The following SETX variants were observed in gnomAD, a reference collection of about 807,000 sequenced individuals.
SETX encodes the protein helicase senataxin.
In SETX, 90 loss-of-function variants were observed where a neutral mutation model predicts 227.2. The observed-to-expected ratio is 0.40, with a 90% CI of 0.33 to 0.47. The LOEUF is 0.47. Among genes scored for constraint, SETX ranks in the 20% least tolerant of loss-of-function variants. The pLI is 0.91. For synonymous variants in SETX, 1,210 were observed against 1,113.2 expected (o/e 1.09, Z -1.73); for missense variants, 3,052 against 3,181.5 (o/e 0.96, Z 0.98).
chr9:132,271,806 G>C lies in SETX; in HGVS notation c.7103C>G (p.Pro2368Arg), dbSNP rs1420833435. ...TGCATCCACAGTGTCTACTTCTGCT[G>C]GTCTATTTACAAAAGAGAAACATAT... is the stretch of plus-strand genomic sequence containing the variant. ...DLDKEFDRKG[P>R]AEVDTVDAFQ... The change falls in exon 24 of 26, where the codon CCA (proline) becomes CGA (arginine). Residue 2368 changes from proline to arginine, a missense_variant and splice_region_variant. Physicochemically the swap from Pro to Arg is moderately radical, Grantham distance 103. Around this residue, in one of 10 missense-constraint regions of SETX, gnomAD observed 412 missense variants for 589.0 expected, o/e 0.70. Transcript: ENST00000224140. 4 of 1,611,658 alleles carry C rather than the reference G, an allele frequency of 2.5e-6. No individual in the cohort carries two copies. The highest frequency in any genetic ancestry group is 3.4e-6 in the Non-Finnish European group (4 of 1,178,198).
At chr9:132,330,701 AAATTG>A (rs1342305678) in intron 9 of SETX, among the ~76,000 whole-genome samples, 5 of 152,224 alleles carry the variant, frequency 3.3e-5, no homozygotes, top group Non-Finnish European at 1.5e-5. Context: ...GTGAAAATAT[AAATTG>A]AATTTTGAGT....
chr9:132,265,644 G>A (rs1420963212), intron 25 of SETX, among the ~76,000 whole-genome samples: 1 of 152,120 alleles, frequency 6.6e-6, no homozygotes, highest in Non-Finnish European at 1.5e-5. Context: ...TTCCTAAATT[G>A]CATCAGCCAC....
rs1554822056 is a variant in SETX, at chr9:132,331,053, T to C, written c.1097A>G (p.Lys366Arg). 1 of 1,601,500 alleles carries C rather than the reference T, an allele frequency of 6.2e-7. No homozygotes were observed. Among genetic ancestry groups the C allele is most frequent in the Non-Finnish European group, 8.6e-7 (1 of 1,168,358 alleles). The part of the protein sequence containing the change: ...VYNYNPEKTK[K>R]DSGWRTAICP... The stretch of plus-strand genomic sequence containing the variant: ...CTGAATTTTCAAAGTGTTTTATACC[T>C]TTTTGGTCTTTTCAGGATTATAATT... The change falls in exon 9 of 26, where the codon AAG (lysine) becomes AGG (arginine). Residue 366 changes from lysine (K) to arginine (R), a missense_variant and splice_region_variant. Lys to Arg is a conservative substitution (Grantham distance 26). Around this residue, in one of 10 missense-constraint regions of SETX, gnomAD observed 39 missense variants for 84.8 expected, o/e 0.46. Coordinates refer to ENST00000224140, the MANE Select transcript of SETX (RefSeq NM_015046.7).
At chr9:132,351,815 A>C (rs991932775) in intron 2 of SETX, among the ~76,000 whole-genome samples, 12 of 152,222 alleles carry the variant, frequency 7.9e-5, no homozygotes, top group African/African-American at 2.4e-5. Context: ...GTTTCATCAG[A>C]CTGTAACGGC....
chr9:132,311,940 A>T (rs1263656507), intron 10 of SETX, 84 bp from the exon 11 acceptor site: 2 of 1,044,504 alleles, frequency 1.9e-6, no homozygotes, highest in Non-Finnish European at 1.4e-6. Context: ...GTTAAGCAAC[A>T]GTAAAATCCA....
At chr9:132,302,766 T>C (rs1300859474) in intron 11 of SETX, among the ~76,000 whole-genome samples, 1 of 151,280 alleles carries the variant, frequency 6.6e-6, no homozygotes, top group Admixed American at 6.6e-5. Flanking sequence ...AGAAACTTTT[T>C]ACAAAGAACA....
In SETX at chr9:132,343,922, G is replaced by C. The variant is rs181000236; in HGVS notation, c.389-1123C>G. Among the ~76,000 whole-genome samples, 297 of 152,186 alleles carry C rather than the reference G, an allele frequency of 2.0e-3. 1 individual carries two copies. The highest frequency in any genetic ancestry group is 2.5e-3 in the Non-Finnish European group (171 of 68,006). ...TCCATAAAGTATGTTATCCTACAGG[G>C]CAAATATATGGCCTCCCTCAACAAG... On this transcript the variant is annotated intron_variant, in intron 4 of 25. Transcript: ENST00000224140.
intron 15 of SETX, among the ~76,000 whole-genome samples, chr9:132,293,172 A>G (rs1162940648): frequency 1.3e-5 from 2 of 152,200 alleles, no homozygotes; most frequent in African/African-American, 2.4e-5. Context: ...TTAACAGATT[A>G]AAGAAAATTT....
Position 132,336,379 on chromosome 9 carries a change from G to A in SETX, c.635C>T (p.Thr212Ile), listed in dbSNP as rs771502043. ...LGLLESPDIY[T>I]SSVLEKGKLI... The stretch of plus-strand genomic sequence containing the variant: ...TTTACCCTTCTCTAGGACAGAAGAA[G>A]TATAAATGTCTGGACTCTCTAAAAG... The change falls in exon 6 of 26, where the codon ACT becomes ATT. Residue 212 changes from threonine to isoleucine, a missense_variant. Thr to Ile is a moderately conservative substitution (Grantham distance 89). This residue lies in a region of SETX where 239 missense variants were observed against 240.8 expected (regional missense o/e 0.99). Coordinates refer to ENST00000224140, the MANE Select transcript of SETX (RefSeq NM_015046.7). 5 of 1,614,126 alleles carry A rather than the reference G, an allele frequency of 3.1e-6. No homozygotes were observed. In the East Asian group the frequency reaches 1.1e-4, roughly 36 times the overall value.
intron 7 of SETX, 83 bp downstream of exon 7, chr9:132,334,525 C>G: frequency 6.8e-7 from 1 of 1,465,874 alleles, no homozygotes; most frequent in Non-Finnish European, 9.5e-7. Flanking sequence ...ACAACATACA[C>G]CAATTCCTGC....
chr9:132,308,308 C>T (rs1469094576), intron 11 of SETX, among the ~76,000 whole-genome samples: 1 of 152,098 alleles, frequency 6.6e-6, no homozygotes, highest in Non-Finnish European at 1.5e-5. Flanking sequence ...TCCTCTAGTT[C>T]CAGGTATCAA....
At chr9:132,309,731 A>G (rs985725025) in intron 11 of SETX, among the ~76,000 whole-genome samples, 1 of 152,048 alleles carries the variant, frequency 6.6e-6, no homozygotes, top group African/African-American at 2.4e-5. Context: ...CTAGGGCAAT[A>G]CAAAATCAAT....
At position 132,329,104 on chromosome 9, in the gene SETX, G is replaced by C. The variant is rs1351028671; in HGVS notation, c.2494C>G (p.Gln832Glu). ...SFYSRKDTGV[Q>E]KGDGFIHNLS... ...TTGTGTATGAAACCATCTCCTTTCT[G>C]AACTCCTGTATCTTTCCTTGAATAG... Residue 832 changes from glutamine to glutamate, a missense_variant, in exon 10 of 26, where the codon CAG (glutamine) becomes GAG (glutamate). Coordinates refer to ENST00000224140, the MANE Select transcript of SETX (RefSeq NM_015046.7). 3.1e-6 allele frequency: 5 copies of C among 1,609,912 alleles called. No individual in the cohort carries two copies. The African/African-American group carries it at 5.3e-5, about 17-fold the overall frequency.
chr9:132,321,335 T>A (rs1038892384), intron 10 of SETX, among the ~76,000 whole-genome samples: 1 of 151,868 alleles, frequency 6.6e-6, no homozygotes. Flanking sequence ...GCCTGACCAA[T>A]ATGGCAAAAC....
At position 132,288,224 on chromosome 9, in the gene SETX, A is replaced by G; in HGVS notation, c.6324+12T>C. 6.2e-7 allele frequency: 1 copy of G among 1,606,626 alleles called. No homozygotes were observed. Among genetic ancestry groups the G allele is most frequent in the Non-Finnish European group, 8.5e-7 (1 of 1,173,332 alleles). On this transcript the variant is annotated intron_variant, in intron 17 of 25. Transcript: ENST00000224140. ...GTATACCTGAGTTATTATTCAAGAA[A>G]TGCAAAGATACCTGTATTTCCCGTC...
chr9:132,332,645 GT>G (rs1348055495), intron 7 of SETX, among the ~76,000 whole-genome samples: 2 of 152,246 alleles, frequency 1.3e-5, no homozygotes, highest in Non-Finnish European at 2.9e-5. Context: ...ACAAGGCTGG[GT>G]TCAGTGGCTC....
At chr9:132,271,829 T>A (rs777218516) in intron 23 of SETX, 21 bp from the exon 24 acceptor site, 6 of 1,586,660 alleles carry the variant, frequency 3.8e-6, no homozygotes, top group Non-Finnish European at 5.2e-6. Context: ...AAGAGAAACA[T>A]ATTTACTGGA....
chr9:132,334,715 A>C lies in SETX; in HGVS notation c.731T>G (p.Leu244Trp). 1 of 1,614,136 alleles carries C rather than the reference A, an allele frequency of 6.2e-7. No homozygotes were observed. The highest frequency in any genetic ancestry group is 8.5e-7 in the Non-Finnish European group (1 of 1,179,980). Reference protein sequence around the residue: ...YKSYWLGICMLLTILEEQAMD... With the variant: ...YKSYWLGICMWLTILEEQAMD... ...GGCTTGTTCCTCAAGAATGGTCAGC[A>C]ACATGCAAATACCTGTAAGATCATT... The change falls in exon 7 of 26, where the codon TTG (leucine) becomes TGG (tryptophan). Residue 244 changes from leucine (L) to tryptophan (W), a missense_variant. Leu to Trp is a moderately conservative substitution (Grantham distance 61). Transcript: ENST00000224140.
At chr9:132,295,344 T>C (rs1207140266) in intron 15 of SETX, among the ~76,000 whole-genome samples, 1 of 152,214 alleles carries the variant, frequency 6.6e-6, no homozygotes, top group African/African-American at 2.4e-5. Context: ...CTGTAAACAA[T>C]GACTGTTTTC....
Sources: allele counts gnomAD v4.1 joint callset (sites outside exome capture counted in the v4.1 genomes callset), GRCh38; gene constraint gnomAD v4.1.1; regional missense constraint gnomAD v4.1.1; transcripts MANE v1.5; gene names NCBI Gene and HGNC (gene_info 2026-07-23, HGNC 2026-07-21).